The following NHSL1 variants were observed in gnomAD, a reference collection of about 807,000 sequenced individuals.
The protein encoded by NHSL1 is NHS like 1.
A neutral mutation model predicts 95.0 loss-of-function variants in NHSL1; 48 were observed. The ratio of observed to expected loss-of-function variants is 0.51; its 90% CI spans 0.40 to 0.64. NHSL1 has a LOEUF of 0.64. Among genes scored for constraint, NHSL1 ranks in the 30% least tolerant of loss-of-function variants. The probability of loss-of-function intolerance (pLI) is 0.00; values close to 1 mark genes in which losing one functional copy is unlikely to be tolerated. For synonymous variants in NHSL1, 783 were observed against 833.9 expected (o/e 0.94, Z 1.05); for missense variants, 1,971 against 2,077.7 (o/e 0.95, Z 1.00).
intron 1 of NHSL1, among the ~76,000 whole-genome samples, chr6:138,564,651 TAAA>T (rs111960358): frequency 7.2e-6 from 1 of 139,478 alleles, no homozygotes. Flanking sequence ...GCCTTGGGGA[TAAA>T]AAAAAAAAAA....
chr6:138,461,787 A>T (rs561871628), intron 3 of NHSL1, among the ~76,000 whole-genome samples: 10 of 152,332 alleles, frequency 6.6e-5, no homozygotes, highest in African/African-American at 2.4e-4. Context: ...ATGAAAGGTC[A>T]AAGTAGGGTT....
intron 2 of NHSL1, among the ~76,000 whole-genome samples, chr6:138,478,058 T>C (rs1779195858): frequency 6.9e-6 from 1 of 145,596 alleles, no homozygotes; most frequent in Non-Finnish European, 1.5e-5. Flanking sequence ...GAGTTTCGCT[T>C]TTTTTGCCCA....
At chr6:138,646,046 T>C (rs772495157) in intron 1 of NHSL1, among the ~76,000 whole-genome samples, 8 of 152,238 alleles carry the variant, frequency 5.3e-5, no homozygotes, top group Admixed American at 4.6e-4. Flanking sequence ...GCAGTTACCA[T>C]AGAATCTTAG....
intron 1 of NHSL1, among the ~76,000 whole-genome samples, chr6:138,667,350 A>G (rs1785308282): frequency 6.6e-6 from 1 of 152,198 alleles, no homozygotes; most frequent in Non-Finnish European, 1.5e-5. Context: ...GTCACAGAAA[A>G]TTTCAATACT....
In NHSL1 at chr6:138,431,183, A is replaced by C; in HGVS notation, c.3162T>G (p.Pro1054=). ...PESSRGSLRP[P]STKEETSRPP... Reference sequence around the variant, plus strand: ...GCCTGCTGGTCTCCTCCTTGGTAGAAGGCGGCCTCAAGGATCCCCGGGAGG... The same window carrying C: ...GCCTGCTGGTCTCCTCCTTGGTAGACGGCGGCCTCAAGGATCCCCGGGAGG... Residue 1054 remains proline (P), a synonymous_variant, in exon 6 of 8, where the codon CCT becomes CCG. Coordinates refer to ENST00000343505, the MANE Select transcript of NHSL1 (RefSeq NM_001144060.2). This position sits in a 1 kb window ranked among gnomAD's most constrained non-coding sequence, Gnocchi z 4.0. 1.3e-6 allele frequency: 2 copies of C among 1,547,730 alleles called. No homozygotes were observed. Among genetic ancestry groups the C allele is most frequent in the South Asian group, 2.4e-5 (2 of 83,892 alleles).
chr6:138,531,515 T>C (rs1782132568), intron 1 of NHSL1, among the ~76,000 whole-genome samples: 1 of 144,754 alleles, frequency 6.9e-6, no homozygotes. Context: ...ATTTTGTTTC[T>C]CTCTCTTTTT....
intron 1 of NHSL1, among the ~76,000 whole-genome samples, chr6:138,690,740 C>T (rs912159903): frequency 6.6e-6 from 1 of 152,174 alleles, no homozygotes; most frequent in Non-Finnish European, 1.5e-5. Context: ...AAATCACAAC[C>T]ACTTAAGATT....
Position 138,431,546 on chromosome 6 carries a change from A to G in NHSL1, c.2799T>C (p.Pro933=). ...AAGGGAATGGAGGAGAGGGAACAGG[A>G]GGAGGAGGAGGAGCCGGGGGAGAGC... ...AVGSPPAPPP[P]PVPSPPFPCP... The change falls in exon 6 of 8, where the codon CCT becomes CCC. Residue 933 remains proline, a synonymous_variant. Coordinates refer to ENST00000343505, the MANE Select transcript of NHSL1 (RefSeq NM_001144060.2). This position sits in a 1 kb window ranked among gnomAD's most constrained non-coding sequence, Gnocchi z 4.0. 1.9e-6 allele frequency: 3 copies of G among 1,550,638 alleles called. No homozygotes were observed. The highest frequency in any genetic ancestry group is 2.6e-6 in the Non-Finnish European group (3 of 1,146,378).
chr6:138,624,756 T>TA (rs1485304908), intron 1 of NHSL1, among the ~76,000 whole-genome samples: 2 of 152,202 alleles, frequency 1.3e-5, no homozygotes, highest in African/African-American at 4.8e-5. Context: ...AGTGAACTGA[T>TA]GAACTTAATA....
Position 138,431,466 on chromosome 6 carries a change from G to A in NHSL1, c.2879C>T (p.Ser960Phe), listed in dbSNP as rs973118294. ...AGAGTGAGGCAGAGGAGAGCCCTGGGAGCAATCTGTGACAGGAGGTGGGGG... is the reference window on the plus strand; with the variant it reads ...AGAGTGAGGCAGAGGAGAGCCCTGGAAGCAATCTGTGACAGGAGGTGGGGG... ...LPPPPPVTDCSQGSPLPHSPV... is the reference protein window; with the variant it reads ...LPPPPPVTDCFQGSPLPHSPV... Residue 960 changes from serine (S) to phenylalanine (F), a missense_variant, in exon 6 of 8, where the codon TCC becomes TTC. Physicochemically the swap from Ser to Phe is radical, Grantham distance 155. This residue lies in a region of NHSL1 where 1,602 missense variants were observed against 1,654.5 expected (regional missense o/e 0.97). Coordinates refer to ENST00000343505, the MANE Select transcript of NHSL1 (RefSeq NM_001144060.2). The surrounding 1 kb of genome is among the most constrained non-coding windows in gnomAD (Gnocchi z 4.0). 1.9e-5 allele frequency: 30 copies of A among 1,551,006 alleles called. No homozygotes were observed. The African/African-American group carries it at 4.0e-4, about 21-fold the overall frequency.
intron 1 of NHSL1, among the ~76,000 whole-genome samples, chr6:138,497,589 A>T (rs1405314538): frequency 1.2e-4 from 19 of 152,284 alleles, no homozygotes. Context: ...CACTAAACAT[A>T]CTCTATAGCA....
chr6:138,649,831 G>A (rs1460338743), intron 1 of NHSL1, among the ~76,000 whole-genome samples: 1 of 152,186 alleles, frequency 6.6e-6, no homozygotes, highest in Non-Finnish European at 1.5e-5. Flanking sequence ...CTGACCTACA[G>A]GATGGGCTCT....
At chr6:138,651,905 A>G (rs1785097851) in intron 1 of NHSL1, among the ~76,000 whole-genome samples, 1 of 152,222 alleles carries the variant, frequency 6.6e-6, no homozygotes, top group Non-Finnish European at 1.5e-5. Flanking sequence ...TTTTGGGGTT[A>G]AATAATTTTA....
intron 1 of NHSL1, among the ~76,000 whole-genome samples, chr6:138,496,718 AC>A (rs1583304320): frequency 6.6e-6 from 1 of 152,192 alleles, no homozygotes; most frequent in East Asian, 1.9e-4. Context: ...CCCCTCGCAC[AC>A]ACACAACAAA....
chr6:138,664,413 T>C (rs1001604145), intron 1 of NHSL1, among the ~76,000 whole-genome samples: 1 of 152,062 alleles, frequency 6.6e-6, no homozygotes, highest in Non-Finnish European at 1.5e-5. Flanking sequence ...AAAACACATA[T>C]GCCAAGAATT....
intron 1 of NHSL1, among the ~76,000 whole-genome samples, chr6:138,664,093 T>C (rs1185053425): frequency 1.3e-5 from 2 of 152,232 alleles, no homozygotes; most frequent in Non-Finnish European, 2.9e-5. Flanking sequence ...GATTAGATAA[T>C]GGTCACTGTG....
intron 5 of NHSL1, chr6:138,435,198 A>G (rs1022083786): frequency 3.2e-5 from 5 of 154,822 alleles, no homozygotes; most frequent in African/African-American, 4.8e-5. Context: ...GTTGACTGGT[A>G]TCGGTGTATC....
intron 1 of NHSL1, among the ~76,000 whole-genome samples, chr6:138,604,990 C>A (rs935127714): frequency 6.6e-6 from 1 of 152,184 alleles, no homozygotes; most frequent in African/African-American, 2.4e-5. Flanking sequence ...ACTTGACTGA[C>A]ATATCCTAAT....
intron 3 of NHSL1, among the ~76,000 whole-genome samples, chr6:138,450,073 A>C (rs1777130121): frequency 6.6e-6 from 1 of 152,210 alleles, no homozygotes; most frequent in East Asian, 1.9e-4. Flanking sequence ...AGACAATCAA[A>C]GGAATTTTTG....
Sources: gnomAD v4.1 joint callset for allele counts (sites outside exome capture counted in the v4.1 genomes callset) on GRCh38, gnomAD v4.1.1 for gene constraint, gnomAD v4.1.1 regional missense constraint, Gnocchi (gnomAD v3.1) non-coding constraint, MANE v1.5 for transcripts, NCBI Gene and HGNC (gene_info 2026-07-23, HGNC 2026-07-21) for gene names.